NALF1: variants seen among roughly 807,000 people sequenced by gnomAD.
NALF1 encodes the protein family with sequence similarity 155 member A.
NALF1 carries 3 observed loss-of-function variants against 48.4 expected under a neutral mutation model. The ratio of observed to expected loss-of-function variants is 0.06; its 90% confidence interval spans 0.03 to 0.16. NALF1 has a LOEUF of 0.16. Among genes scored for constraint, NALF1 ranks in the 10% least tolerant of loss-of-function variants. NALF1 has a pLI of 1.00. For synonymous variants in NALF1, 262 were observed against 245.7 expected, an observed-to-expected ratio of 1.07 and a Z score of -0.62; for missense variants, 526 against 571.5, an observed-to-expected ratio of 0.92 and a Z score of 0.81.
Position 107,492,755 on chromosome 13 carries a change from G to GACTTTGATAAT in NALF1, c.916-282001_916-282000insATTATCAAAGT, listed in dbSNP as rs1594092440. 2.0e-5 allele frequency among the ~76,000 whole-genome samples: 3 copies of GACTTTGATAAT among 152,032 alleles called. No homozygotes were observed. The East Asian group carries it at 5.8e-4, about 29-fold the overall frequency. On this transcript the variant is annotated intron_variant, in intron 1 of 2. Transcript: ENST00000375915. ...AACTTATAAGACTTTGATAATGGCTGTACATCATGGATAGGCAAGAATAGA... is the reference window on the plus strand; with the variant it reads ...AACTTATAAGACTTTGATAATGGCTGACTTTGATAATTACATCATGGATAGGCAAGAATAGA...
At chr13:107,490,997 A>C (rs1270848591) in intron 1 of NALF1, among the ~76,000 whole-genome samples, 1 of 152,168 alleles carries the variant, frequency 6.6e-6, no homozygotes, top group Non-Finnish European at 1.5e-5. Context: ...CAACTGAAAA[A>C]AGCCACAAAG....
chr13:107,485,176 G>A (rs1386717500), intron 1 of NALF1, among the ~76,000 whole-genome samples: 1 of 152,164 alleles, frequency 6.6e-6, no homozygotes, highest in Admixed American at 6.5e-5. Flanking sequence ...GAAGGCTCCA[G>A]AGCTGCTGTG....
At chr13:107,553,110 G>A (rs1877345369) in intron 1 of NALF1, among the ~76,000 whole-genome samples, 2 of 151,834 alleles carry the variant, frequency 1.3e-5, no homozygotes, top group South Asian at 4.2e-4. Context: ...AGCAACACAG[G>A]CAAGATAAAA....
At chr13:107,809,233 C>T (rs115385181) in intron 1 of NALF1, among the ~76,000 whole-genome samples, 2,539 of 152,022 alleles carry the variant, frequency 0.017, 76 homozygotes, top group African/African-American at 0.058. Context: ...TTAATCAGGC[C>T]ATGACCTAAA....
chr13:107,623,900 A>G (rs2138442901), intron 1 of NALF1, among the ~76,000 whole-genome samples: 1 of 152,350 alleles, frequency 6.6e-6, no homozygotes, highest in Non-Finnish European at 1.5e-5. Context: ...AGAAAATGAC[A>G]TGCAAAAGCA....
At chr13:107,432,511 C>T (rs1051090428) in intron 1 of NALF1, among the ~76,000 whole-genome samples, 9 of 152,090 alleles carry the variant, frequency 5.9e-5, no homozygotes, top group Admixed American at 2.6e-4. Flanking sequence ...CAGGGCAGGA[C>T]CTAAGCATTG....
chr13:107,537,672 G>T (rs1876871964), intron 1 of NALF1, among the ~76,000 whole-genome samples: 1 of 152,060 alleles, frequency 6.6e-6, no homozygotes, highest in Non-Finnish European at 1.5e-5. Flanking sequence ...CAGACTCCAG[G>T]CAGTGGCACT....
At chr13:107,532,857 A>G (rs1876685961) in intron 1 of NALF1, among the ~76,000 whole-genome samples, 1 of 152,090 alleles carries the variant, frequency 6.6e-6, no homozygotes, top group African/African-American at 2.4e-5. Context: ...TAATATTGCA[A>G]TTATATTAAC....
At chr13:107,747,546 T>C (rs952791146) in intron 1 of NALF1, among the ~76,000 whole-genome samples, 4 of 152,188 alleles carry the variant, frequency 2.6e-5, no homozygotes, top group South Asian at 2.1e-4. Flanking sequence ...TTTTGCATAA[T>C]GGCCAAACTC....
chr13:107,795,063 A>C (rs1412660799), intron 1 of NALF1, among the ~76,000 whole-genome samples: 1 of 152,192 alleles, frequency 6.6e-6, no homozygotes, highest in African/African-American at 2.4e-5. Flanking sequence ...TGCATACAAA[A>C]GTAATTGTAA....
chr13:107,708,850 C>T (rs1875481894), intron 1 of NALF1, among the ~76,000 whole-genome samples: 1 of 152,152 alleles, frequency 6.6e-6, no homozygotes, highest in African/African-American at 2.4e-5. Flanking sequence ...TTAAGCTCAG[C>T]ATCCATTAGC....
At chr13:107,400,846 C>T (rs112208935) in intron 1 of NALF1, among the ~76,000 whole-genome samples, 11 of 152,082 alleles carry the variant, frequency 7.2e-5, no homozygotes, top group East Asian at 5.8e-4. Flanking sequence ...TGCAACAAAC[C>T]TTCATATATC....
At chr13:107,404,471 T>A (rs1172662333) in intron 1 of NALF1, among the ~76,000 whole-genome samples, 1 of 152,096 alleles carries the variant, frequency 6.6e-6, no homozygotes, top group Admixed American at 6.6e-5. Flanking sequence ...AAAGCATTTT[T>A]AAATTAAAAT....
At position 107,542,647 on chromosome 13, in the gene NALF1, C is replaced by T. The variant is rs547259314; in HGVS notation, c.915+323035G>A. Among the ~76,000 whole-genome samples, 239 of 152,100 alleles carry T rather than the reference C, an allele frequency of 1.6e-3. 1 individual carries two copies. The highest frequency in any genetic ancestry group is 2.8e-3 in the Non-Finnish European group (188 of 67,962). ...ACATGTGATTAGTATAAAGTCTGAG[C>T]CCAAAAGTTTCCATCAATAAACCAT... On this transcript the variant is annotated intron_variant, in intron 1 of 2. Transcript: ENST00000375915.
chr13:107,470,837 C>A (rs894440989), intron 1 of NALF1, among the ~76,000 whole-genome samples: 6 of 151,776 alleles, frequency 4.0e-5, no homozygotes, highest in Non-Finnish European at 7.4e-5. Flanking sequence ...TGTATACACA[C>A]AAAATAATAA....
intron 1 of NALF1, among the ~76,000 whole-genome samples, chr13:107,524,495 G>GA (rs1876362910): frequency 6.6e-6 from 1 of 152,030 alleles, no homozygotes; most frequent in Non-Finnish European, 1.5e-5. Context: ...CGGATCCACA[G>GA]AAAAAAGTTA....
At position 107,681,120 on chromosome 13, in the gene NALF1, G is replaced by A. The variant is rs187499023; in HGVS notation, c.915+184562C>T. 2.6e-5 allele frequency among the ~76,000 whole-genome samples: 4 copies of A among 152,216 alleles called. No homozygotes were observed. In the East Asian group the frequency reaches 5.8e-4, roughly 22 times the overall value. ...GTTGATGGTCTTTCCCCCTACTGGT[G>A]CATGACCCTATGTTACAGGGCAAAA... On this transcript the variant is annotated intron_variant, in intron 1 of 2. Coordinates refer to ENST00000375915, the MANE Select transcript of NALF1 (RefSeq NM_001080396.3).
chr13:107,420,274 G>A (rs1884162887), intron 1 of NALF1, among the ~76,000 whole-genome samples: 1 of 152,120 alleles, frequency 6.6e-6, no homozygotes, highest in South Asian at 2.1e-4. Flanking sequence ...TCATCAAATT[G>A]TTTTAAAGCC....
intron 1 of NALF1, among the ~76,000 whole-genome samples, chr13:107,221,548 C>A (rs147563036): frequency 0.025 from 3,865 of 152,100 alleles, 63 homozygotes; most frequent in Non-Finnish European, 0.036. Context: ...CCATTGCACT[C>A]CAGCCTGGGT....
Sources: gnomAD v4.1 joint callset for allele counts (sites outside exome capture counted in the v4.1 genomes callset) on GRCh38, gnomAD v4.1.1 for gene constraint, MANE v1.5 for transcripts, NCBI Gene and HGNC (gene_info 2026-07-23, HGNC 2026-07-21) for gene names.